The following NEK6 variants were observed in gnomAD, a reference collection of about 807,000 sequenced individuals.
NEK6 encodes the protein serine/threonine-protein kinase Nek6.
In NEK6, 27 loss-of-function variants were observed where a neutral mutation model predicts 43.5. The observed-to-expected ratio is 0.62, with a 90% CI of 0.46 to 0.86. The LOEUF is 0.86. NEK6 is among the 40% of genes least tolerant of loss of function. The probability of loss-of-function intolerance (pLI) is 0.00; values close to 1 mark genes in which losing one functional copy is unlikely to be tolerated. For synonymous variants in NEK6, 167 were observed against 164.1 expected, an observed-to-expected ratio of 1.02 and a Z score of -0.14; for missense variants, 318 against 414.4, an observed-to-expected ratio of 0.77 and a Z score of 2.02.
chr9:124,341,421 GCAGGT>G (rs1829619773), intron 8 of NEK6, among the ~76,000 whole-genome samples: 1 of 149,354 alleles, frequency 6.7e-6, no homozygotes, highest in African/African-American at 2.5e-5. Context: ...CTCAGCAGAT[GCAGGT>G]GACAAGAGGG....
chr9:124,350,782 G>A (rs1016439482), intron 9 of NEK6, 55 bp from the exon 10 acceptor site: 55 of 1,264,126 alleles, frequency 4.4e-5, no homozygotes, highest in East Asian at 3.3e-4. Context: ...TGTGGAGTGC[G>A]GAGCCTCAGT....
Position 124,326,211 on chromosome 9 carries a change from C to CA in NEK6, c.406-119_406-118insA. On this transcript the variant is annotated intron_variant, in intron 5 of 9. Coordinates refer to ENST00000320246, the MANE Select transcript of NEK6 (RefSeq NM_014397.6). The surrounding 1 kb of genome is among the most constrained non-coding windows in gnomAD (Gnocchi z 4.5). ...TTGCTCAGTGGCTCAATCCCCCCCC[C>CA]CCGCCCCTGCCAGGCACCAGTTACC... 5.0e-6 allele frequency: 1 copy of CA among 198,032 alleles called. No individual in the cohort carries two copies. Among genetic ancestry groups the CA allele is most frequent in the East Asian group, 7.0e-5 (1 of 14,230 alleles). 12.3% of individuals were successfully genotyped at this position (198,032 alleles called of 1,614,324 possible). A position where few individuals can be genotyped will look rare whatever the true frequency, so the allele number is the denominator to read the frequency against.
chr9:124,284,997 C>T (rs1255495769), intron 1 of NEK6, among the ~76,000 whole-genome samples: 1 of 152,198 alleles, frequency 6.6e-6, no homozygotes, highest in Non-Finnish European at 1.5e-5. Context: ...AGTAGTGGCA[C>T]GTGATTTTGT....
At chr9:124,294,331 G>A (rs1832574501) in intron 1 of NEK6, among the ~76,000 whole-genome samples, 3 of 152,290 alleles carry the variant, frequency 2.0e-5, no homozygotes, top group East Asian at 1.9e-4. Flanking sequence ...TCCAGCCCCT[G>A]GGCTTGTGCT....
chr9:124,321,327 C>T (rs1278845665), intron 4 of NEK6, 132 bp from the exon 5 acceptor site: 2 of 620,900 alleles, frequency 3.2e-6, no homozygotes, highest in African/African-American at 1.8e-5. Flanking sequence ...CCTTTCTTTC[C>T]CTGGGACCCA....
intron 2 of NEK6, among the ~76,000 whole-genome samples, chr9:124,306,216 G>A (rs1172409962): frequency 6.6e-6 from 1 of 152,130 alleles, no homozygotes; most frequent in Non-Finnish European, 1.5e-5. Flanking sequence ...GGGTTGTCAG[G>A]AGTGGCAGCT....
chr9:124,277,695 G>A (rs149937914), intron 1 of NEK6, among the ~76,000 whole-genome samples: 3 of 152,346 alleles, frequency 2.0e-5, no homozygotes, highest in African/African-American at 7.2e-5. Context: ...TCTGCGTGTC[G>A]TTTATTCTCT....
intron 1 of NEK6, among the ~76,000 whole-genome samples, chr9:124,270,167 C>G (rs548758202): frequency 6.6e-6 from 1 of 152,234 alleles, no homozygotes; most frequent in African/African-American, 2.4e-5. Context: ...CTGCCTGTTG[C>G]GTTACTTCTC....
rs771033424 is a variant in NEK6 at position 124,326,435 on chromosome 9, C to T, written c.511C>T (p.Arg171Ter). Residue 171 changes from arginine (R) to a stop codon, truncating the protein, a stop_gained, in exon 6 of 10, where the codon CGA (arginine) becomes TGA (stop). Transcript: ENST00000320246. LOFTEE classifies it high-confidence loss of function. The surrounding 1 kb of genome is among the most constrained non-coding windows in gnomAD (Gnocchi z 4.5). The part of the protein sequence containing the change: ...EHMHSRRVMH[R>*]DIKPANVFIT... Reference sequence around the variant, plus strand: ...CATGCATTCACGCCGGGTGATGCACCGAGGTACGTGCCACCCGCCAGGAGC... The same window carrying T: ...CATGCATTCACGCCGGGTGATGCACTGAGGTACGTGCCACCCGCCAGGAGC... 4 of 1,605,202 alleles carry T rather than the reference C, an allele frequency of 2.5e-6. No homozygotes were observed. The highest frequency in any genetic ancestry group is 2.2e-5 in the East Asian group (1 of 44,608).
intron 1 of NEK6, among the ~76,000 whole-genome samples, chr9:124,278,259 G>A (rs900089570): frequency 2.0e-5 from 3 of 152,202 alleles, no homozygotes; most frequent in Non-Finnish European, 4.4e-5. Context: ...ACTCCAAGAC[G>A]TTCACACAGT....
intron 1 of NEK6, among the ~76,000 whole-genome samples, chr9:124,270,074 C>A (rs757701216): frequency 5.9e-5 from 9 of 152,136 alleles, no homozygotes; most frequent in South Asian, 2.1e-4. Flanking sequence ...TCCACGCCCC[C>A]CCCCCATGCT....
At chr9:124,306,696 A>T (rs1187695625) in intron 2 of NEK6, among the ~76,000 whole-genome samples, 1 of 152,200 alleles carries the variant, frequency 6.6e-6, no homozygotes, top group African/African-American at 2.4e-5. Flanking sequence ...GAAAGGGAAG[A>T]TGGGCTTTGG....
chr9:124,305,630 G>A (rs1186812185), intron 2 of NEK6, among the ~76,000 whole-genome samples: 3 of 151,980 alleles, frequency 2.0e-5, no homozygotes, highest in Non-Finnish European at 2.9e-5. Context: ...GTTTTTTTGG[G>A]GTTTTTTTCC....
intron 1 of NEK6, among the ~76,000 whole-genome samples, chr9:124,297,055 C>T (rs1183865561): frequency 1.3e-5 from 2 of 152,210 alleles, no homozygotes; most frequent in African/African-American, 2.4e-5. Flanking sequence ...GAGGCAGCCA[C>T]GGCTCACGTA....
intron 1 of NEK6, among the ~76,000 whole-genome samples, chr9:124,271,734 G>A (rs891307045): frequency 3.3e-5 from 5 of 152,240 alleles, no homozygotes; most frequent in Non-Finnish European, 5.9e-5. Flanking sequence ...TGCCCCCACC[G>A]TCTGCTGCAT....
chr9:124,342,892 G>A (rs1445568584), intron 8 of NEK6, among the ~76,000 whole-genome samples: 1 of 152,206 alleles, frequency 6.6e-6, no homozygotes, highest in Non-Finnish European at 1.5e-5. Context: ...ACTTCCCTGG[G>A]GCTGGGGCCG....
At chr9:124,339,528 C>A (rs1829479564) in intron 7 of NEK6, 43 bp from the exon 8 acceptor site, 2 of 1,433,860 alleles carry the variant, frequency 1.4e-6, no homozygotes, top group African/African-American at 1.4e-5. Flanking sequence ...CTGCCCCTGC[C>A]CTACATGGAG....
At chr9:124,323,454 G>T (rs1244530071) in intron 5 of NEK6, among the ~76,000 whole-genome samples, 1 of 152,104 alleles carries the variant, frequency 6.6e-6, no homozygotes, top group African/African-American at 2.4e-5. Context: ...CTGTGTTCTA[G>T]AAGAAAGACT....
Position 124,326,202 on chromosome 9 carries a change from T to TCCCACCCCCCC in NEK6, c.406-125_406-124insACCCCCCCCCC. 1 of 124,052 alleles carries TCCCACCCCCCC rather than the reference T, an allele frequency of 8.1e-6. No individual in the cohort carries two copies. The highest frequency in any genetic ancestry group is 2.0e-5 in the Non-Finnish European group (1 of 50,618). The allele number at this position is 124,052 out of a possible 1,614,324, so 7.7% of individuals were successfully genotyped here. A position where few individuals can be genotyped will look rare whatever the true frequency, so the allele number is the denominator to read the frequency against. The stretch of plus-strand genomic sequence containing the variant: ...GCTTATTGTTTGCTCAGTGGCTCAA[T>TCCCACCCCCCC]CCCCCCCCCCCGCCCCTGCCAGGCA... On this transcript the variant is annotated intron_variant, in intron 5 of 9. Transcript: ENST00000320246. This position sits in a 1 kb window ranked among gnomAD's most constrained non-coding sequence, Gnocchi z 4.5.
Sources: gnomAD v4.1 joint callset for allele counts (sites outside exome capture counted in the v4.1 genomes callset) on GRCh38, gnomAD v4.1.1 for gene constraint, Gnocchi (gnomAD v3.1) non-coding constraint, MANE v1.5 for transcripts, NCBI Gene and HGNC (gene_info 2026-07-23, HGNC 2026-07-21) for gene names.